The following GRM8 variants were observed in gnomAD, a reference collection of about 807,000 sequenced individuals.
GRM8 encodes the protein glutamate metabotropic receptor 8, also known as metabotropic glutamate receptor 8.
GRM8 carries 47 observed loss-of-function variants against 87.2 expected under a neutral mutation model. That is an observed-to-expected ratio of 0.54 (90% CI 0.43 to 0.69). The LOEUF (loss-of-function observed/expected upper bound fraction) is 0.69. Among genes scored for constraint, GRM8 ranks in the 30% least tolerant of loss-of-function variants. The probability of loss-of-function intolerance (pLI) is 0.00; values close to 1 mark genes in which losing one functional copy is unlikely to be tolerated. For synonymous variants in GRM8, 396 were observed against 404.5 expected (o/e 0.98, Z 0.25); for missense variants, 1,019 against 1,139.2 (o/e 0.89, Z 1.52).
At chr7:126,853,515 C>T (rs1407477790) in intron 6 of GRM8, among the ~76,000 whole-genome samples, 1 of 152,054 alleles carries the variant, frequency 6.6e-6, no homozygotes, top group East Asian at 1.9e-4. Context: ...TTCCTGGACC[C>T]AGAAAAACAT....
intron 8 of GRM8, among the ~76,000 whole-genome samples, chr7:126,547,034 G>T (rs1466881223): frequency 6.6e-6 from 1 of 152,072 alleles, no homozygotes; most frequent in African/African-American, 2.4e-5. Context: ...AATACTATTA[G>T]CCAGCCTTAC....
At chr7:126,661,974 A>G (rs1472301045) in intron 7 of GRM8, among the ~76,000 whole-genome samples, 8 of 152,198 alleles carry the variant, frequency 5.3e-5, no homozygotes, top group Non-Finnish European at 1.0e-4. Flanking sequence ...ATATGATTTG[A>G]TACATGACTA....
chr7:126,454,095 CA>C (rs2150495085), intron 9 of GRM8, among the ~76,000 whole-genome samples: 1 of 151,470 alleles, frequency 6.6e-6, no homozygotes, highest in East Asian at 2.0e-4. Context: ...AGGTAGAGAA[CA>C]AATAAATAAA....
Position 127,184,091 on chromosome 7 carries a change from G to GA in GRM8, c.510+58603dup, listed in dbSNP as rs562910787. ...TGGTGAATTCTACCAAAAATTTAAGGAAAAAATGATACAATTTCCACTATC... is the reference window on the plus strand; with the variant it reads ...TGGTGAATTCTACCAAAAATTTAAGGAAAAAAATGATACAATTTCCACTATC... On this transcript the variant is annotated intron_variant, in intron 2 of 10. Coordinates refer to ENST00000339582, the MANE Select transcript of GRM8 (RefSeq NM_000845.3). 3.6e-3 allele frequency among the ~76,000 whole-genome samples: 545 copies of GA among 151,664 alleles called. 3 individuals are homozygous for GA. Among genetic ancestry groups the GA allele is most frequent in the African/African-American group, 0.012 (503 of 41,430 alleles).
chr7:126,712,625 T>A (rs1456776747), intron 7 of GRM8, among the ~76,000 whole-genome samples: 1 of 152,198 alleles, frequency 6.6e-6, no homozygotes, highest in Non-Finnish European at 1.5e-5. Flanking sequence ...AAAGAGCTTC[T>A]GCTCAGCAAA....
chr7:126,786,308 C>A (rs114332640), intron 6 of GRM8, among the ~76,000 whole-genome samples: 8 of 152,198 alleles, frequency 5.3e-5, no homozygotes, highest in African/African-American at 1.9e-4. Context: ...CACCTACTCA[C>A]CAAATTAACG....
At chr7:126,884,160 A>G (rs967769999) in intron 6 of GRM8, among the ~76,000 whole-genome samples, 1 of 152,150 alleles carries the variant, frequency 6.6e-6, no homozygotes, top group Non-Finnish European at 1.5e-5. Flanking sequence ...TGCTGATGCC[A>G]TAAATTAAAA....
intron 3 of GRM8, among the ~76,000 whole-genome samples, chr7:127,089,850 G>C (rs1489465412): frequency 2.6e-5 from 4 of 152,124 alleles, no homozygotes; most frequent in Non-Finnish European, 4.4e-5. Flanking sequence ...AATTTTGCCA[G>C]GAAATAATTC....
At chr7:126,953,976 A>G (rs558153119) in intron 3 of GRM8, among the ~76,000 whole-genome samples, 2 of 152,278 alleles carry the variant, frequency 1.3e-5, no homozygotes, top group Admixed American at 6.5e-5. Context: ...GATATTTAAT[A>G]TACACTATTA....
chr7:126,565,524 T>C (rs1198403129), intron 8 of GRM8, among the ~76,000 whole-genome samples: 1 of 151,936 alleles, frequency 6.6e-6, no homozygotes, highest in Non-Finnish European at 1.5e-5. Flanking sequence ...AATTAAAGAA[T>C]ATTGATGAAA....
intron 9 of GRM8, among the ~76,000 whole-genome samples, chr7:126,492,995 G>T (rs898000527): frequency 2.0e-5 from 3 of 152,022 alleles, no homozygotes; most frequent in African/African-American, 7.2e-5. Flanking sequence ...AGAAAGCATT[G>T]GGAAAGTTTG....
intron 3 of GRM8, among the ~76,000 whole-genome samples, chr7:126,958,928 T>C (rs1458708006): frequency 6.6e-6 from 1 of 152,222 alleles, no homozygotes; most frequent in African/African-American, 2.4e-5. Context: ...CCCAATGTTA[T>C]CAAAACTGTG....
intron 2 of GRM8, among the ~76,000 whole-genome samples, chr7:127,134,761 A>G (rs1827861846): frequency 6.6e-6 from 1 of 152,166 alleles, no homozygotes; most frequent in Non-Finnish European, 1.5e-5. Context: ...ATCTTAACAT[A>G]AAATGTAGGC....
At chr7:127,033,164 ATCT>A (rs1409044888) in intron 3 of GRM8, among the ~76,000 whole-genome samples, 2 of 151,942 alleles carry the variant, frequency 1.3e-5, no homozygotes, top group Non-Finnish European at 2.9e-5. Flanking sequence ...AATTATAAAA[ATCT>A]TCTTCTGTGT....
rs184882697 is a variant in GRM8, at chr7:126,642,214, C to A, written c.1358-32716G>T. On this transcript the variant is annotated intron_variant, in intron 7 of 10. Coordinates refer to ENST00000339582, the MANE Select transcript of GRM8 (RefSeq NM_000845.3). Reference sequence around the variant, plus strand: ...TATATTTTACAGTGGTTGTGAGGAGCACATTGCACAACTCGGCTTTGTGCT... The same window carrying A: ...TATATTTTACAGTGGTTGTGAGGAGAACATTGCACAACTCGGCTTTGTGCT... Among the ~76,000 whole-genome samples, 511 of 152,308 alleles carry A rather than the reference C, an allele frequency of 3.4e-3. 4 individuals carry two copies. Among genetic ancestry groups the A allele is most frequent in the Admixed American group, 0.019 (296 of 15,302 alleles).
intron 3 of GRM8, among the ~76,000 whole-genome samples, chr7:127,026,772 T>G (rs986831689): frequency 6.6e-6 from 1 of 152,182 alleles, no homozygotes; most frequent in African/African-American, 2.4e-5. Flanking sequence ...GCAAAACTTT[T>G]CTCCCATTCT....
intron 7 of GRM8, among the ~76,000 whole-genome samples, chr7:126,756,308 A>C (rs1032646179): frequency 5.9e-5 from 9 of 152,132 alleles, no homozygotes; most frequent in African/African-American, 2.2e-4. Flanking sequence ...AAAACTATTA[A>C]AACTATTAGA....
intron 2 of GRM8, among the ~76,000 whole-genome samples, chr7:127,163,417 G>T (rs560957321): frequency 6.6e-6 from 1 of 152,324 alleles, no homozygotes; most frequent in East Asian, 1.9e-4. Context: ...CTGCCTGGCA[G>T]AACTCTCCTA....
At chr7:126,847,500 C>T (rs1796811318) in intron 6 of GRM8, among the ~76,000 whole-genome samples, 1 of 152,170 alleles carries the variant, frequency 6.6e-6, no homozygotes, top group Non-Finnish European at 1.5e-5. Flanking sequence ...TCAGCATCCA[C>T]TGATGCCCCT....
Sources: gnomAD v4.1 joint callset for allele counts (sites outside exome capture counted in the v4.1 genomes callset) on GRCh38, gnomAD v4.1.1 for gene constraint, MANE v1.5 for transcripts, NCBI Gene and HGNC (gene_info 2026-07-23, HGNC 2026-07-21) for gene names.